PI4KA: variants seen among roughly 807,000 people sequenced by gnomAD.
PI4KA encodes phosphatidylinositol 4-kinase alpha.
Under a neutral mutation model 271.4 loss-of-function variants are expected in PI4KA, and 122 were observed. The observed-to-expected ratio is 0.45, with a 90% CI of 0.39 to 0.52. The LOEUF (loss-of-function observed/expected upper bound fraction) is 0.52. Among genes scored for constraint, PI4KA ranks in the 20% least tolerant of loss-of-function variants. PI4KA has a pLI of 0.00. For missense variants in PI4KA, 1,969 were observed against 2,769.1 expected, an observed-to-expected ratio of 0.71 and a Z score of 6.48; for synonymous variants, 1,041 against 1,078.8, an observed-to-expected ratio of 0.96 and a Z score of 0.69.
chr22:20,713,197 A>G, intron 48 of PI4KA, 84 bp downstream of exon 48: 2 of 963,424 alleles, frequency 2.1e-6, no homozygotes, highest in South Asian at 1.4e-5. Context: ...ATTTCTGCAT[A>G]TGAGATTGGA....
At chr22:20,793,724 T>G (rs1934792546) in intron 18 of PI4KA, among the ~76,000 whole-genome samples, 1 of 152,242 alleles carries the variant, frequency 6.6e-6, no homozygotes, top group African/African-American at 2.4e-5. Context: ...TTTACTTTAC[T>G]ATTTATAGGC....
chr22:20,804,844 G>A lies in PI4KA; in HGVS notation c.1360+130C>T, dbSNP rs560842423. On this transcript the variant is annotated intron_variant, in intron 11 of 54. Transcript: ENST00000255882. Reference sequence around the variant, plus strand: ...AATGCTCCACTCTGCACGTGCCCAGGAGGCCTACTGCAACTGCCTGTGCTG... The same window carrying A: ...AATGCTCCACTCTGCACGTGCCCAGAAGGCCTACTGCAACTGCCTGTGCTG... 3.7e-4 allele frequency: 272 copies of A among 730,664 alleles called. 3 individuals are homozygous for A. The highest frequency in any genetic ancestry group is 3.7e-3 in the South Asian group (217 of 58,430). 45.3% of individuals were successfully genotyped at this position (730,664 alleles called of 1,614,324 possible).
At chr22:20,741,291 G>A (rs1476269163) in intron 32 of PI4KA, among the ~76,000 whole-genome samples, 1 of 152,180 alleles carries the variant, frequency 6.6e-6, no homozygotes, top group Non-Finnish European at 1.5e-5. Flanking sequence ...TAGGATGCAG[G>A]TGCTCTTGTA....
At position 20,714,636 on chromosome 22, in the gene PI4KA, C is replaced by G; in HGVS notation, c.5382G>C (p.Pro1794=). 1.9e-6 allele frequency: 3 copies of G among 1,613,996 alleles called. No homozygotes were observed. Residue 1794 remains proline (P), a synonymous_variant, in exon 46 of 55, where the codon CCG becomes CCC. Transcript: ENST00000255882. ...TAGGGTGAGGCGCCCACCTCTGCAT[C>G]GGGGTCCCAGACTTGTAGTCGATGT... ...VLDIDYKSGT[P]MQSAAKAPYL... is the part of the protein sequence containing the mutation.
At position 20,726,477 on chromosome 22, in the gene PI4KA, T is replaced by C. The variant is rs770282895; in HGVS notation, c.4995+11A>G. On this transcript the variant is annotated intron_variant, in intron 42 of 54. Transcript: ENST00000255882. The stretch of plus-strand genomic sequence containing the variant: ...TGAGTGAAGAGGACGGCCATGCAGG[T>C]GCAGGCTTACCTTGTCGTACCTGAG... 4.5e-6 allele frequency: 7 copies of C among 1,551,686 alleles called. No homozygotes were observed. The highest frequency in any genetic ancestry group is 1.2e-5 in the South Asian group (1 of 80,248).
At chr22:20,851,980 C>T (rs978895172) in intron 1 of PI4KA, among the ~76,000 whole-genome samples, 1 of 151,968 alleles carries the variant, frequency 6.6e-6, no homozygotes, top group Admixed American at 6.6e-5. Context: ...AAAAATTAGC[C>T]GGGCGTGGTG....
chr22:20,710,833 C>A lies in PI4KA; in HGVS notation c.5949G>T (p.Ser1983=), dbSNP rs751802146. ...GTTCCCAGCCGAGATTGCCGCCCGG[C>A]GAGCTTTCAAACATGAAGCCAAAGT... ...HIDFGFMFES[S]PGGNLGWEPD... is the part of the protein sequence containing the mutation. Residue 1983 remains serine, a synonymous_variant, in exon 52 of 55, where the codon TCG becomes TCT. Coordinates refer to ENST00000255882, the MANE Select transcript of PI4KA (RefSeq NM_058004.4). 1.2e-6 allele frequency: 2 copies of A among 1,612,226 alleles called. No individual in the cohort carries two copies. Among genetic ancestry groups the A allele is most frequent in the Non-Finnish European group, 1.7e-6 (2 of 1,179,220 alleles).
intron 3 of PI4KA, among the ~76,000 whole-genome samples, chr22:20,832,847 T>C (rs1253883415): frequency 6.6e-6 from 1 of 152,206 alleles, no homozygotes; most frequent in Non-Finnish European, 1.5e-5. Context: ...AACTTTCTCC[T>C]GAATGTTGAT....
chr22:20,858,478 C>T lies in PI4KA; in HGVS notation c.156+92G>A, dbSNP rs903162543. 7 of 957,092 alleles carry T rather than the reference C, an allele frequency of 7.3e-6. No individual in the cohort carries two copies. The Middle Eastern group carries it at 1.8e-3, about 249-fold the overall frequency. The allele number at this position is 957,092 out of a possible 1,614,324, so 59.3% of individuals were successfully genotyped here. On this transcript the variant is annotated intron_variant, in intron 1 of 54. Coordinates refer to ENST00000255882, the MANE Select transcript of PI4KA (RefSeq NM_058004.4). ...CCGCACAGGCTGCCGGCGAGCCCAG[C>T]CTCGGCCTCCCACAGACCCTCGTCC... is the stretch of plus-strand genomic sequence containing the variant.
At chr22:20,836,975 A>C (rs1924942829) in intron 2 of PI4KA, among the ~76,000 whole-genome samples, 1 of 152,250 alleles carries the variant, frequency 6.6e-6, no homozygotes, top group Admixed American at 6.5e-5. Flanking sequence ...ACATTTGAAC[A>C]ACAATAGTTT....
intron 19 of PI4KA, chr22:20,786,853 G>T: frequency 1.2e-6 from 2 of 1,613,858 alleles, no homozygotes; most frequent in Non-Finnish European, 1.7e-6. Flanking sequence ...TCCAGAATCT[G>T]ACAACTTTCC....
intron 29 of PI4KA, among the ~76,000 whole-genome samples, chr22:20,746,882 C>T (rs1009701593): frequency 1.3e-5 from 2 of 152,364 alleles, no homozygotes; most frequent in Non-Finnish European, 2.9e-5. Flanking sequence ...CCCTCTCTCC[C>T]GCCGGTATCC....
At chr22:20,799,057 C>T (rs535563407) in intron 16 of PI4KA, 36 bp downstream of exon 16, 15 of 1,565,700 alleles carry the variant, frequency 9.6e-6, no homozygotes, top group African/African-American at 4.1e-5. Flanking sequence ...GTAGCTTGCA[C>T]AGGGTTAGTG....
chr22:20,810,135 G>A (rs974874770), intron 9 of PI4KA, among the ~76,000 whole-genome samples: 3 of 152,138 alleles, frequency 2.0e-5, no homozygotes, highest in Non-Finnish European at 1.5e-5. Flanking sequence ...AATGTTCCCC[G>A]AGATTTTTGA....
intron 3 of PI4KA, among the ~76,000 whole-genome samples, chr22:20,827,088 T>C (rs1923520728): frequency 6.6e-6 from 1 of 152,222 alleles, no homozygotes; most frequent in African/African-American, 2.4e-5. Flanking sequence ...CAATTGCTTT[T>C]GGCATCTTTG....
rs930779292 is a variant in PI4KA, at chr22:20,804,361, T to G, written c.1400A>C (p.Gln467Pro). The change falls in exon 12 of 55, where the codon CAG (glutamine) becomes CCG (proline). Residue 467 changes from glutamine (Q) to proline (P), a missense_variant. By Grantham distance (76) the Gln-to-Pro change is moderately conservative (BLOSUM62 -1). This residue lies in a region of PI4KA where 14 missense variants were observed against 34.0 expected (regional missense o/e 0.41). Transcript: ENST00000255882. ...NLCIKLSEKL[Q>P]SKTSSKVIIA... is the part of the protein sequence containing the mutation. ...AATGACTTTGCTGGACGTCTTGGACTGCAGCTTCTCAGATAGCTTGATGCA... is the reference window on the plus strand; with the variant it reads ...AATGACTTTGCTGGACGTCTTGGACGGCAGCTTCTCAGATAGCTTGATGCA... The G allele has an allele frequency of 6.2e-7, 1 of 1,613,956 alleles. No individual in the cohort carries two copies. Among genetic ancestry groups the G allele is most frequent in the Non-Finnish European group, 8.5e-7 (1 of 1,179,918 alleles).
chr22:20,820,017 AGGTTCAC>A (rs1451918181), intron 5 of PI4KA, 117 bp from the exon 6 acceptor site: 5 of 929,454 alleles, frequency 5.4e-6, no homozygotes, highest in Non-Finnish European at 8.3e-6. Context: ...ATAACTGTGA[AGGTTCAC>A]AATAAGCCAC....
chr22:20,766,662 T>C (rs558968338), intron 19 of PI4KA, among the ~76,000 whole-genome samples: 4 of 152,232 alleles, frequency 2.6e-5, no homozygotes, highest in Non-Finnish European at 5.9e-5. Context: ...CGAAACTCCA[T>C]CTCAAAAAAC....
chr22:20,768,169 G>T (rs1932705809), intron 19 of PI4KA, among the ~76,000 whole-genome samples: 1 of 152,040 alleles, frequency 6.6e-6, no homozygotes, highest in Admixed American at 6.6e-5. Flanking sequence ...CTTCCCAGAT[G>T]GGGTGGTGGC....
Sources: gnomAD v4.1 joint callset for allele counts (sites outside exome capture counted in the v4.1 genomes callset) on GRCh38, gnomAD v4.1.1 for gene constraint, gnomAD v4.1.1 regional missense constraint, MANE v1.5 for transcripts, NCBI Gene and HGNC (gene_info 2026-07-23, HGNC 2026-07-21) for gene names.